PEPD: variants seen among roughly 807,000 people sequenced by gnomAD.
The protein encoded by PEPD is xaa-Pro dipeptidase.
PEPD carries 53 observed loss-of-function variants against 60.7 expected under a neutral mutation model. The ratio of observed to expected loss-of-function variants is 0.87; its 90% CI spans 0.70 to 1.10. The LOEUF (loss-of-function observed/expected upper bound fraction) is 1.10. Among genes scored for constraint, PEPD ranks in the 50% least tolerant of loss-of-function variants. The pLI, the probability that PEPD is intolerant of heterozygous loss-of-function variation, is 0.00. For missense variants in PEPD, 711 were observed against 711.9 expected, an observed-to-expected ratio of 1.00 and a Z score of 0.01; for synonymous variants, 267 against 284.1, an observed-to-expected ratio of 0.94 and a Z score of 0.60.
At chr19:33,519,551 T>C (rs1315534810) in intron 1 of PEPD, among the ~76,000 whole-genome samples, 1 of 152,196 alleles carries the variant, frequency 6.6e-6, no homozygotes, top group Non-Finnish European at 1.5e-5. Flanking sequence ...GGAAACACAC[T>C]TAATCATTCT....
chr19:33,410,736 A>G (rs1600093322), intron 11 of PEPD, among the ~76,000 whole-genome samples: 1 of 152,204 alleles, frequency 6.6e-6, no homozygotes, highest in East Asian at 1.9e-4. Context: ...AAAGGGCACC[A>G]AAGAACTGGG....
chr19:33,401,613 G>T, intron 12 of PEPD, 108 bp downstream of exon 12: 1 of 1,029,186 alleles, frequency 9.7e-7, no homozygotes, highest in Non-Finnish European at 1.5e-6. Flanking sequence ...CTGGAGTGTG[G>T]CAGATTCAAG....
rs527414237 is a variant in PEPD at position 33,447,665 on chromosome 19, C to T, written c.671+15330G>A. 8.5e-5 allele frequency among the ~76,000 whole-genome samples: 13 copies of T among 152,312 alleles called. No individual in the cohort carries two copies. The East Asian group carries it at 1.4e-3, about 16-fold the overall frequency. ...ACAGCCAGAGGGAGCTGCGAGAGGA[C>T]GGTGGCTGAGTGGGTGGGGCCAGGC... On this transcript the variant is annotated intron_variant, in intron 9 of 14. Transcript: ENST00000244137.
chr19:33,506,282 A>T (rs932815956), intron 3 of PEPD, among the ~76,000 whole-genome samples: 1 of 137,596 alleles, frequency 7.3e-6, no homozygotes, highest in Non-Finnish European at 1.5e-5. Context: ...CAAAAACCCT[A>T]CACACTACTC....
intron 12 of PEPD, chr19:33,395,224 AC>A (rs1324261469): frequency 6.6e-6 from 1 of 152,336 alleles, no homozygotes; most frequent in Non-Finnish European, 1.5e-5. Context: ...CTCTCTGATT[AC>A]CCCTTCCTGT....
At chr19:33,482,239 T>A (rs1444026623) in intron 6 of PEPD, among the ~76,000 whole-genome samples, 5 of 152,148 alleles carry the variant, frequency 3.3e-5, no homozygotes, top group Non-Finnish European at 4.4e-5. Context: ...TATATATACA[T>A]CATGACCAAG....
At chr19:33,419,913 A>T (rs1009996221) in intron 9 of PEPD, among the ~76,000 whole-genome samples, 13 of 152,272 alleles carry the variant, frequency 8.5e-5, no homozygotes, top group Admixed American at 7.8e-4. Context: ...CGCCAATCAC[A>T]GGCAAGGGCA....
intron 9 of PEPD, among the ~76,000 whole-genome samples, chr19:33,420,757 C>A (rs2145379099): frequency 6.7e-6 from 1 of 150,100 alleles, no homozygotes; most frequent in African/African-American, 2.5e-5. Context: ...AAAAAAAAAA[C>A]TCACCTTTTT....
intron 4 of PEPD, among the ~76,000 whole-genome samples, chr19:33,495,881 T>C (rs138385086): frequency 0.075 from 11,387 of 152,078 alleles, 520 homozygotes; most frequent in Non-Finnish European, 0.11. Flanking sequence ...CTCGGGAGGC[T>C]GAGGTAGGAG....
In PEPD at chr19:33,512,492, C is replaced by G. The variant is rs927228591; in HGVS notation, c.201+101G>C. Reference sequence around the variant, plus strand: ...CGAGGAAACAGAGGCTCAGGGAGGGCCACAAGGGGCAGCACTGGCCAAGCT... The same window carrying G: ...CGAGGAAACAGAGGCTCAGGGAGGGGCACAAGGGGCAGCACTGGCCAAGCT... On this transcript the variant is annotated intron_variant, in intron 2 of 14. Transcript: ENST00000244137. The G allele has an allele frequency of 2.6e-6, 3 of 1,138,194 alleles. No homozygotes were observed. In the African/African-American group the frequency reaches 4.6e-5, roughly 17 times the overall value. The allele number at this position is 1,138,194 out of a possible 1,614,324, so 70.5% of individuals were successfully genotyped here.
intron 10 of PEPD, among the ~76,000 whole-genome samples, chr19:33,413,350 G>A (rs1421737887): frequency 1.3e-5 from 2 of 152,212 alleles, no homozygotes; most frequent in African/African-American, 4.8e-5. Context: ...CAGTGGGCAG[G>A]CCATGCTCCC....
At chr19:33,431,065 G>A (rs961829439) in intron 9 of PEPD, among the ~76,000 whole-genome samples, 19 of 151,710 alleles carry the variant, frequency 1.3e-4, no homozygotes, top group Admixed American at 3.3e-4. Flanking sequence ...AGCTATGATC[G>A]CACCACTGCA....
At chr19:33,452,225 C>T (rs1169039366) in intron 9 of PEPD, among the ~76,000 whole-genome samples, 1 of 152,116 alleles carries the variant, frequency 6.6e-6, no homozygotes, top group African/African-American at 2.4e-5. Flanking sequence ...ACCACATCTA[C>T]TGGGAAATGA....
Position 33,387,268 on chromosome 19 carries a change from C to A in PEPD, c.*76G>T. ...GGTGCCGTCTCTCGCTACTGGAGTGCTGACCAGCAGGCTGCCCATCACGAA... is the reference window on the plus strand; with the variant it reads ...GGTGCCGTCTCTCGCTACTGGAGTGATGACCAGCAGGCTGCCCATCACGAA... On this transcript the variant is annotated 3_prime_UTR_variant, in exon 15 of 15. Coordinates refer to ENST00000244137, the MANE Select transcript of PEPD (RefSeq NM_000285.4). 1 of 1,566,208 alleles carries A rather than the reference C, an allele frequency of 6.4e-7. No homozygotes were observed. Among genetic ancestry groups the A allele is most frequent in the Non-Finnish European group, 8.7e-7 (1 of 1,143,028 alleles).
chr19:33,511,277 A>C, intron 2 of PEPD, 122 bp from the exon 3 acceptor site: 1 of 953,310 alleles, frequency 1.0e-6, no homozygotes, highest in South Asian at 1.4e-5. Flanking sequence ...AACTGACCCC[A>C]GCCCCAGACA....
At chr19:33,450,521 G>A (rs566477766) in intron 9 of PEPD, among the ~76,000 whole-genome samples, 1 of 152,166 alleles carries the variant, frequency 6.6e-6, no homozygotes, top group African/African-American at 2.4e-5. Flanking sequence ...CACCATTCAC[G>A]CAGGAGACAA....
At chr19:33,422,220 C>T (rs2145381166) in intron 9 of PEPD, among the ~76,000 whole-genome samples, 1 of 152,244 alleles carries the variant, frequency 6.6e-6, no homozygotes, top group Admixed American at 6.5e-5. Context: ...GCTCTCTCTC[C>T]CCCTTCAGGT....
chr19:33,471,823 A>G (rs1479638959), intron 7 of PEPD, among the ~76,000 whole-genome samples: 2 of 152,224 alleles, frequency 1.3e-5, no homozygotes, highest in East Asian at 3.9e-4. Flanking sequence ...ATTCGAGGCC[A>G]GCCTGGGCAT....
At chr19:33,480,887 A>C (rs1352655126) in intron 6 of PEPD, among the ~76,000 whole-genome samples, 1 of 152,054 alleles carries the variant, frequency 6.6e-6, no homozygotes, top group Non-Finnish European at 1.5e-5. Context: ...AGCCAATAGC[A>C]GCAGAACAGC....
Sources: allele counts gnomAD v4.1 joint callset (sites outside exome capture counted in the v4.1 genomes callset), GRCh38; gene constraint gnomAD v4.1.1; transcripts MANE v1.5; gene names NCBI Gene and HGNC (gene_info 2026-07-23, HGNC 2026-07-21).